The following ST8SIA5 variants were observed in gnomAD, a reference collection of about 807,000 sequenced individuals.
ST8SIA5 encodes the protein alpha-2,8-sialyltransferase 8E.
ST8SIA5 carries 24 observed loss-of-function variants against 40.2 expected under a neutral mutation model. The observed-to-expected ratio is 0.60, with a 90% CI of 0.43 to 0.84. The LOEUF (loss-of-function observed/expected upper bound fraction) is 0.84. ST8SIA5 is among the 40% of genes least tolerant of loss of function. The pLI is 0.00. For missense variants in ST8SIA5, 465 were observed against 498.5 expected (o/e 0.93, Z 0.64); for synonymous variants, 198 against 201.8 (o/e 0.98, Z 0.16).
intron 1 of ST8SIA5, among the ~76,000 whole-genome samples, chr18:46,707,344 G>A (rs1252305786): frequency 6.6e-6 from 1 of 152,188 alleles, no homozygotes; most frequent in Non-Finnish European, 1.5e-5. Flanking sequence ...CAAACCAGCT[G>A]TGTGACTTTG....
At chr18:46,746,687 A>G (rs1431627034) in intron 1 of ST8SIA5, among the ~76,000 whole-genome samples, 2 of 152,058 alleles carry the variant, frequency 1.3e-5, no homozygotes, top group Non-Finnish European at 2.9e-5. Flanking sequence ...CAAGCTACCA[A>G]TGACTTTCGT....
chr18:46,718,892 C>T (rs1023341555), intron 1 of ST8SIA5, among the ~76,000 whole-genome samples: 2 of 152,096 alleles, frequency 1.3e-5, no homozygotes, highest in Non-Finnish European at 2.9e-5. Flanking sequence ...TCGTTAGGTC[C>T]TCCCCCAAGC....
chr18:46,686,324 A>AC, intron 4 of ST8SIA5, 38 bp from the exon 5 acceptor site: 1 of 1,571,730 alleles, frequency 6.4e-7, no homozygotes, highest in Non-Finnish European at 8.7e-7. Flanking sequence ...GAGCCAAGCC[A>AC]CCCCCTGCCT....
chr18:46,718,844 T>G (rs191341018), intron 1 of ST8SIA5, among the ~76,000 whole-genome samples: 1 of 152,228 alleles, frequency 6.6e-6, no homozygotes, highest in East Asian at 1.9e-4. Context: ...TCTTCCAGAT[T>G]TGGAGAGTTG....
chr18:46,710,745 G>C (rs571690199), intron 1 of ST8SIA5, among the ~76,000 whole-genome samples: 1 of 152,046 alleles, frequency 6.6e-6, no homozygotes, highest in African/African-American at 2.4e-5. Context: ...CTGCCCCACA[G>C]AGGCTCCCCT....
intron 2 of ST8SIA5, among the ~76,000 whole-genome samples, chr18:46,692,622 C>T (rs1055028893): frequency 1.3e-5 from 2 of 152,034 alleles, no homozygotes; most frequent in African/African-American, 4.8e-5. Context: ...AGGCTGGTTT[C>T]GAGCTCCTGA....
chr18:46,733,308 A>G (rs1407808000), intron 1 of ST8SIA5, among the ~76,000 whole-genome samples: 1 of 152,214 alleles, frequency 6.6e-6, no homozygotes, highest in Non-Finnish European at 1.5e-5. Context: ...TCTATTGTTA[A>G]TCAGCAAATC....
intron 2 of ST8SIA5, among the ~76,000 whole-genome samples, chr18:46,703,387 A>T (rs1196328872): frequency 1.3e-5 from 2 of 152,050 alleles, no homozygotes; most frequent in Non-Finnish European, 2.9e-5. Flanking sequence ...TGACCTTGTG[A>T]TCCTGGGCTA....
intron 1 of ST8SIA5, among the ~76,000 whole-genome samples, chr18:46,707,446 C>T (rs1422830758): frequency 6.6e-6 from 1 of 152,166 alleles, no homozygotes; most frequent in African/African-American, 2.4e-5. Flanking sequence ...TCAGCCAGCC[C>T]TTCCATTTCC....
At chr18:46,719,636 G>A (rs777229525) in intron 1 of ST8SIA5, among the ~76,000 whole-genome samples, 27 of 114,940 alleles carry the variant, frequency 2.3e-4, no homozygotes, top group Admixed American at 5.4e-4. Flanking sequence ...CCGTCGGTCC[G>A]CCTTGCTCAC....
At chr18:46,712,555 G>C (rs1281656855) in intron 1 of ST8SIA5, among the ~76,000 whole-genome samples, 1 of 152,170 alleles carries the variant, frequency 6.6e-6, no homozygotes, top group Non-Finnish European at 1.5e-5. Flanking sequence ...TCCCTCCTCT[G>C]TGCCTGCAGC....
chr18:46,728,724 C>G (rs9955883), intron 1 of ST8SIA5, among the ~76,000 whole-genome samples: 3 of 151,982 alleles, frequency 2.0e-5, no homozygotes, highest in East Asian at 1.9e-4. Context: ...GAGGCCCCCC[C>G]ACATGCTCTG....
intron 1 of ST8SIA5, among the ~76,000 whole-genome samples, chr18:46,723,950 A>AT (rs529031694): frequency 2.6e-5 from 4 of 151,932 alleles, no homozygotes; most frequent in African/African-American, 4.8e-5. Flanking sequence ...AAAAAGCAGA[A>AT]TTTTTTTTCA....
chr18:46,672,593 T>C lies in ST8SIA5; in HGVS notation c.*7449A>G, dbSNP rs888289263. On this transcript the variant is annotated 3_prime_UTR_variant, in exon 7 of 7. Coordinates refer to ENST00000315087, the MANE Select transcript of ST8SIA5 (RefSeq NM_013305.6). Reference sequence around the variant, plus strand: ...GCTAAGTCATGGAAGTGTATGTTTTTGCTTTTGGTTTTTTTCCTTTGAAAT... The same window carrying C: ...GCTAAGTCATGGAAGTGTATGTTTTCGCTTTTGGTTTTTTTCCTTTGAAAT... The C allele has an allele frequency of 8.8e-5, 13 of 148,372 alleles. No homozygotes were observed. Among genetic ancestry groups the C allele is most frequent in the African/African-American group, 1.5e-4 (6 of 39,956 alleles). 9.2% of individuals were successfully genotyped at this position (148,372 alleles called of 1,614,324 possible).
rs2039474645 is a variant in ST8SIA5, at chr18:46,688,861, T to C, written c.370A>G (p.Thr124Ala). 1 of 1,613,572 alleles carries C rather than the reference T, an allele frequency of 6.2e-7. No homozygotes were observed. Among genetic ancestry groups the C allele is most frequent in the African/African-American group, 1.3e-5 (1 of 74,754 alleles). The change falls in exon 4 of 7, where the codon ACT (threonine) becomes GCT (alanine). Residue 124 changes from threonine to alanine, a missense_variant. Transcript: ENST00000315087. ...PAFLFTTQKN[T>A]PLGTKLKYEV... is the part of the protein sequence containing the mutation. ...TACTTGAGCTTTGTCCCCAGGGGAGTGTTCTTCTGGGTGGTGAAGAGAAAG... is the reference window on the plus strand; with the variant it reads ...TACTTGAGCTTTGTCCCCAGGGGAGCGTTCTTCTGGGTGGTGAAGAGAAAG...
In ST8SIA5 at chr18:46,740,574, T is replaced by C. The variant is rs912055003; in HGVS notation, c.131+15804A>G. On this transcript the variant is annotated intron_variant, in intron 1 of 6. Coordinates refer to ENST00000315087, the MANE Select transcript of ST8SIA5 (RefSeq NM_013305.6). ...TAAATATCATGTTCTCTCACCACAA[T>C]ACCTTTGAGTTAAAAAAATCAAAAA... Among the ~76,000 whole-genome samples, 13 of 152,212 alleles carry C rather than the reference T, an allele frequency of 8.5e-5. No homozygotes were observed. In the South Asian group the frequency reaches 1.0e-3, roughly 12 times the overall value.
rs2039343954 is a variant in ST8SIA5, at chr18:46,677,066, A to C, written c.*2976T>G. ...ATGGCCTCAGTTCCCCTCCAGTGCC[A>C]CTGTGGGTAAGTCGCTACTGCTGTA... On this transcript the variant is annotated 3_prime_UTR_variant, in exon 7 of 7. Transcript: ENST00000315087. 1 of 152,196 alleles carries C rather than the reference A, an allele frequency of 6.6e-6. No individual in the cohort carries two copies. 9.4% of individuals were successfully genotyped at this position (152,196 alleles called of 1,614,324 possible).
At chr18:46,703,075 T>C (rs1198452910) in intron 2 of ST8SIA5, among the ~76,000 whole-genome samples, 1 of 152,248 alleles carries the variant, frequency 6.6e-6, no homozygotes. Context: ...GGTGCTGACA[T>C]TTATTGAACA....
intron 1 of ST8SIA5, among the ~76,000 whole-genome samples, chr18:46,740,244 T>G (rs1466039723): frequency 1.3e-5 from 2 of 152,126 alleles, no homozygotes; most frequent in Non-Finnish European, 2.9e-5. Context: ...GATTCATGCT[T>G]CCCTTGTAAT....
Sources: allele counts gnomAD v4.1 joint callset (sites outside exome capture counted in the v4.1 genomes callset), GRCh38; gene constraint gnomAD v4.1.1; transcripts MANE v1.5; gene names NCBI Gene and HGNC (gene_info 2026-07-23, HGNC 2026-07-21).